Variants in SORCS2 observed in about 807,000 individuals in gnomAD.
SORCS2 encodes the protein sortilin related VPS10 domain containing receptor 2.
A neutral mutation model predicts 141.6 loss-of-function variants in SORCS2; 100 were observed. The ratio of observed to expected loss-of-function variants is 0.71; its 90% CI spans 0.60 to 0.83. SORCS2 has a LOEUF of 0.83. Among genes scored for constraint, SORCS2 ranks in the 40% least tolerant of loss-of-function variants. The probability of loss-of-function intolerance (pLI) is 0.00; values close to 1 mark genes in which losing one functional copy is unlikely to be tolerated. For synonymous variants in SORCS2, 789 were observed against 676.9 expected (o/e 1.17, Z -2.57); for missense variants, 1,646 against 1,560.2 (o/e 1.05, Z -0.93).
intron 2 of SORCS2, among the ~76,000 whole-genome samples, chr4:7,490,173 C>G (rs192470128): frequency 3.3e-5 from 5 of 152,170 alleles, no homozygotes; most frequent in Non-Finnish European, 7.4e-5. Flanking sequence ...GGGCCTCTCC[C>G]GGCTTCTCGA....
chr4:7,333,168 C>T lies in SORCS2; in HGVS notation c.481-63120C>T, dbSNP rs550296855. ...CCCCACCTCTGCCTCTGACCCCACC[C>T]CACTAGGGCATCCCATTTCTGACTG... On this transcript the variant is annotated intron_variant, in intron 1 of 26. Transcript: ENST00000507866. 7.9e-5 allele frequency among the ~76,000 whole-genome samples: 12 copies of T among 152,338 alleles called. No homozygotes were observed. The South Asian group carries it at 2.1e-3, about 26-fold the overall frequency.
chr4:7,545,599 G>C (rs1354447501), intron 3 of SORCS2, among the ~76,000 whole-genome samples: 1 of 152,226 alleles, frequency 6.6e-6, no homozygotes, highest in Non-Finnish European at 1.5e-5. Context: ...AGGATCCCAA[G>C]TCAGCAAGGG....
chr4:7,219,671 G>A lies in SORCS2; in HGVS notation c.480+26545G>A, dbSNP rs1577290017. Among the ~76,000 whole-genome samples the A allele has an allele frequency of 1.3e-5, 2 of 152,202 alleles. 1 individual carries two copies. Among genetic ancestry groups the A allele is most frequent in the East Asian group, 3.9e-4 (2 of 5,190 alleles). ...GAACTCACTCACTAATCCGAGAATA[G>A]CATGGGGGAAACCACCCCATGATCC... On this transcript the variant is annotated intron_variant, in intron 1 of 26. Coordinates refer to ENST00000507866, the MANE Select transcript of SORCS2 (RefSeq NM_020777.3).
chr4:7,647,314 G>C (rs1211352360), intron 4 of SORCS2, among the ~76,000 whole-genome samples: 4 of 152,194 alleles, frequency 2.6e-5, no homozygotes, highest in Non-Finnish European at 4.4e-5. Flanking sequence ...CAGCAAAGGA[G>C]GGTGGCTTAA....
intron 1 of SORCS2, among the ~76,000 whole-genome samples, chr4:7,313,118 A>C (rs1172756957): frequency 6.6e-6 from 1 of 152,256 alleles, no homozygotes; most frequent in Admixed American, 6.5e-5. Context: ...GGAGTACAAC[A>C]TGGTTAATTT....
chr4:7,703,883 C>A (rs945123132), intron 13 of SORCS2, among the ~76,000 whole-genome samples: 2 of 152,234 alleles, frequency 1.3e-5, no homozygotes, highest in South Asian at 4.1e-4. Context: ...GGCCCTACCA[C>A]GGGCCTGGCA....
intron 1 of SORCS2, among the ~76,000 whole-genome samples, chr4:7,289,545 T>G (rs1716471163): frequency 6.6e-6 from 1 of 152,318 alleles, no homozygotes; most frequent in East Asian, 1.9e-4. Context: ...GGTAAATGTT[T>G]GATGAATTCA....
At chr4:7,319,585 A>G (rs1242091160) in intron 1 of SORCS2, among the ~76,000 whole-genome samples, 3 of 152,114 alleles carry the variant, frequency 2.0e-5, no homozygotes, top group Admixed American at 6.6e-5. Flanking sequence ...ATAGTGGTGC[A>G]TGCTTGTGGT....
chr4:7,373,114 G>A (rs1311055836), intron 1 of SORCS2, among the ~76,000 whole-genome samples: 2 of 151,212 alleles, frequency 1.3e-5, no homozygotes, highest in African/African-American at 4.9e-5. Context: ...GCCGTGACAT[G>A]GCTGGATATG....
At chr4:7,717,128 G>C (rs967129223) in intron 17 of SORCS2, among the ~76,000 whole-genome samples, 1 of 152,178 alleles carries the variant, frequency 6.6e-6, no homozygotes, top group Non-Finnish European at 1.5e-5. Flanking sequence ...ACCCCTTTTA[G>C]GGATCTCCTA....
chr4:7,609,034 C>T (rs1384262732), intron 3 of SORCS2, among the ~76,000 whole-genome samples: 1 of 151,970 alleles, frequency 6.6e-6, no homozygotes, highest in Non-Finnish European at 1.5e-5. Context: ...CTGAGCGGTC[C>T]TGGGGAGTCT....
chr4:7,466,337 G>A (rs1186160361), intron 2 of SORCS2, among the ~76,000 whole-genome samples: 1 of 152,110 alleles, frequency 6.6e-6, no homozygotes, highest in East Asian at 1.9e-4. Context: ...CACGGGGGAG[G>A]GTGTTATGGG....
chr4:7,270,543 C>G (rs1283894013), intron 1 of SORCS2, among the ~76,000 whole-genome samples: 1 of 152,190 alleles, frequency 6.6e-6, no homozygotes, highest in Non-Finnish European at 1.5e-5. Flanking sequence ...ACACCACATC[C>G]CCCTGAAGCT....
chr4:7,543,274 T>C (rs899260517), intron 3 of SORCS2, among the ~76,000 whole-genome samples: 1 of 152,184 alleles, frequency 6.6e-6, no homozygotes, highest in Non-Finnish European at 1.5e-5. Flanking sequence ...CACCCATCCA[T>C]GCATCCCTCC....
intron 6 of SORCS2, among the ~76,000 whole-genome samples, chr4:7,661,875 G>A (rs1351624781): frequency 6.6e-6 from 1 of 152,058 alleles, no homozygotes; most frequent in Non-Finnish European, 1.5e-5. Context: ...GGGGGGCGGG[G>A]GTGGGGGCAC....
intron 2 of SORCS2, among the ~76,000 whole-genome samples, 192 bp from the exon 3 acceptor site, chr4:7,531,338 C>T (rs1053931835): frequency 1.1e-4 from 17 of 152,222 alleles, no homozygotes; most frequent in Non-Finnish European, 2.1e-4. Flanking sequence ...CCTCAGTGTT[C>T]CTGAGAGAGC....
intron 3 of SORCS2, among the ~76,000 whole-genome samples, chr4:7,541,250 G>A (rs529033936): frequency 2.6e-5 from 4 of 152,056 alleles, no homozygotes; most frequent in South Asian, 2.1e-4. Flanking sequence ...GGGCGCCATT[G>A]TGGCACCCTT....
At chr4:7,521,138 G>T (rs897690946) in intron 2 of SORCS2, among the ~76,000 whole-genome samples, 1 of 152,110 alleles carries the variant, frequency 6.6e-6, no homozygotes, top group African/African-American at 2.4e-5. Flanking sequence ...TCTCGGTGAG[G>T]TTCCCTTCAC....
chr4:7,366,755 C>G (rs528337021), intron 1 of SORCS2, among the ~76,000 whole-genome samples: 1 of 152,168 alleles, frequency 6.6e-6, no homozygotes, highest in African/African-American at 2.4e-5. Flanking sequence ...ACATGTGTTT[C>G]ATGTCTACCC....
Sources: allele counts gnomAD v4.1 joint callset (sites outside exome capture counted in the v4.1 genomes callset), GRCh38; gene constraint gnomAD v4.1.1; transcripts MANE v1.5; gene names NCBI Gene and HGNC (gene_info 2026-07-23, HGNC 2026-07-21).